TAPT1: variants seen among roughly 807,000 people sequenced by gnomAD.
TAPT1 encodes transmembrane anterior posterior transformation 1.
Under a neutral mutation model 65.6 loss-of-function variants are expected in TAPT1, and 28 were observed. The ratio of observed to expected loss-of-function variants is 0.43; its 90% CI spans 0.32 to 0.59. The LOEUF is 0.59. TAPT1 is among the 20% of genes least tolerant of loss of function. The pLI is 0.09. For synonymous variants in TAPT1, 278 were observed against 245.2 expected (o/e 1.13, Z -1.25); for missense variants, 563 against 679.9 (o/e 0.83, Z 1.91).
chr4:16,180,792 A>C (rs1157705122), intron 7 of TAPT1, among the ~76,000 whole-genome samples: 1 of 152,102 alleles, frequency 6.6e-6, no homozygotes, highest in Admixed American at 6.5e-5. Flanking sequence ...CTTCTTTTTC[A>C]GGGTAGCTCA....
intron 3 of TAPT1, among the ~76,000 whole-genome samples, chr4:16,191,794 G>A (rs910042780): frequency 6.6e-6 from 1 of 152,228 alleles, no homozygotes; most frequent in Non-Finnish European, 1.5e-5. Flanking sequence ...GGTATCTACT[G>A]ATAGGGTGCT....
intron 3 of TAPT1, among the ~76,000 whole-genome samples, chr4:16,195,415 C>G (rs1749646645): frequency 6.6e-6 from 1 of 152,190 alleles, no homozygotes; most frequent in Non-Finnish European, 1.5e-5. Flanking sequence ...AAAGCATAAA[C>G]AAGTGAAACA....
chr4:16,204,830 C>T (rs1750249227), intron 2 of TAPT1, among the ~76,000 whole-genome samples: 1 of 152,256 alleles, frequency 6.6e-6, no homozygotes, highest in Non-Finnish European at 1.5e-5. Context: ...GACACTTTCA[C>T]TCATCCTTCT....
intron 2 of TAPT1, among the ~76,000 whole-genome samples, chr4:16,202,928 T>A (rs1211957871): frequency 6.6e-6 from 1 of 152,224 alleles, no homozygotes; most frequent in South Asian, 2.1e-4. Context: ...GAATGCTTCA[T>A]TGATGGGAAA....
At chr4:16,169,277 T>C (rs558970196) in intron 12 of TAPT1, among the ~76,000 whole-genome samples, 2 of 152,336 alleles carry the variant, frequency 1.3e-5, no homozygotes, top group Non-Finnish European at 2.9e-5. Context: ...GGATGAACTA[T>C]GCACAGGCAA....
intron 1 of TAPT1, among the ~76,000 whole-genome samples, chr4:16,215,539 GGGGAGTCAGT>G (rs1465692113): frequency 1.3e-5 from 2 of 152,084 alleles, no homozygotes; most frequent in East Asian, 3.9e-4. Flanking sequence ...TAATCTGTCT[GGGGAGTCAGT>G]GTTACCATGA....
chr4:16,186,743 G>A (rs902831483), intron 6 of TAPT1, 38 bp downstream of exon 6: 6 of 1,494,876 alleles, frequency 4.0e-6, no homozygotes, highest in Non-Finnish European at 5.6e-6. Flanking sequence ...TGAAATGCCT[G>A]TATAACTTCA....
intron 4 of TAPT1, among the ~76,000 whole-genome samples, chr4:16,189,312 A>G (rs564687478): frequency 3.4e-4 from 52 of 152,270 alleles, no homozygotes; most frequent in African/African-American, 1.2e-3. Flanking sequence ...ATCATAAGAT[A>G]TATCATTTCC....
At chr4:16,189,890 G>A (rs962858068) in intron 4 of TAPT1, among the ~76,000 whole-genome samples, 3 of 152,182 alleles carry the variant, frequency 2.0e-5, no homozygotes, top group East Asian at 3.8e-4. Flanking sequence ...GAAAGCCTAC[G>A]AAGGAGAGAC....
intron 2 of TAPT1, among the ~76,000 whole-genome samples, chr4:16,206,808 G>T (rs1750373971): frequency 6.6e-6 from 1 of 152,178 alleles, no homozygotes; most frequent in South Asian, 2.1e-4. Flanking sequence ...ATGGCCCCAT[G>T]GTGCCAAGTT....
At chr4:16,226,530 G>T (rs1278803962), upstream of TAPT1, 14 of 911,722 alleles carry the variant, frequency 1.5e-5, no homozygotes, top group Admixed American at 7.7e-4. Flanking sequence ...TCCCCGCCTC[G>T]CCCCGCCCCT....
chr4:16,218,701 T>C (rs1456271090), intron 1 of TAPT1, among the ~76,000 whole-genome samples: 1 of 152,250 alleles, frequency 6.6e-6, no homozygotes, highest in East Asian at 1.9e-4. Context: ...ACAGTATTTG[T>C]ATGAAAGTAT....
At chr4:16,181,502 C>T (rs985434543) in intron 7 of TAPT1, among the ~76,000 whole-genome samples, 1 of 152,074 alleles carries the variant, frequency 6.6e-6, no homozygotes, top group Non-Finnish European at 1.5e-5. Context: ...AGAAAATCTG[C>T]AATAATTTCA....
chr4:16,161,986 A>G lies in TAPT1; in HGVS notation c.*1322T>C, dbSNP rs1382443094. 9 of 152,218 alleles carry G rather than the reference A, an allele frequency of 5.9e-5. No homozygotes were observed. The highest frequency in any genetic ancestry group is 5.9e-5 in the Non-Finnish European group (4 of 68,032). The allele number at this position is 152,218 out of a possible 1,614,324, so 9.4% of individuals were successfully genotyped here. A position where few individuals can be genotyped will look rare whatever the true frequency, so the allele number is the denominator to read the frequency against. On this transcript the variant is annotated 3_prime_UTR_variant, in exon 14 of 14. Coordinates refer to ENST00000405303, the MANE Select transcript of TAPT1 (RefSeq NM_153365.3). ...GTTGTAGAAGTTTTACAGAAATGCA[A>G]ACACGGTTGTCAAGATAAAATGGGG...
At chr4:16,200,513 A>C (rs559962308) in intron 3 of TAPT1, among the ~76,000 whole-genome samples, 1 of 152,108 alleles carries the variant, frequency 6.6e-6, no homozygotes, top group African/African-American at 2.4e-5. Flanking sequence ...TTTTGTAGAG[A>C]CAAGTTCTTA....
chr4:16,205,619 G>A (rs1248493866), intron 2 of TAPT1, among the ~76,000 whole-genome samples: 2 of 152,066 alleles, frequency 1.3e-5, no homozygotes, highest in Non-Finnish European at 2.9e-5. Flanking sequence ...GGTGAGAGTG[G>A]CATGCACACC....
chr4:16,216,836 AC>A (rs1476830147), intron 1 of TAPT1, among the ~76,000 whole-genome samples: 2 of 152,128 alleles, frequency 1.3e-5, no homozygotes, highest in Non-Finnish European at 2.9e-5. Flanking sequence ...TCAGCAGCTC[AC>A]ACAGATCAGA....
At position 16,174,864 on chromosome 4, in the gene TAPT1, T is replaced by C. The variant is rs958783659; in HGVS notation, c.1108-135A>G. The C allele has an allele frequency of 5.2e-6, 3 of 573,476 alleles. No individual in the cohort carries two copies. In the Admixed American group the frequency reaches 1.1e-4, roughly 22 times the overall value. 35.5% of individuals were successfully genotyped at this position (573,476 alleles called of 1,614,324 possible). ...TAATAACCAAGCTGACATCTGGGCA[T>C]AATTTCTTATTTGTTTTCCTACAGT... On this transcript the variant is annotated intron_variant, in intron 9 of 13. Transcript: ENST00000405303.
In TAPT1 at chr4:16,186,451, C is replaced by T. The variant is rs1237330378; in HGVS notation, c.916+84G>A. The T allele has an allele frequency of 1.7e-5, 14 of 842,082 alleles. No homozygotes were observed. In the East Asian group the frequency reaches 3.8e-4, roughly 23 times the overall value. The allele number at this position is 842,082 out of a possible 1,614,324, so 52.2% of individuals were successfully genotyped here. On this transcript the variant is annotated intron_variant, in intron 7 of 13. Coordinates refer to ENST00000405303, the MANE Select transcript of TAPT1 (RefSeq NM_153365.3). ...GTACAGTTTAAGCTGAAGAGTGGCC[C>T]AGAGAAAATGTGCCATTAGGATTTC...
Sources: allele counts gnomAD v4.1 joint callset (sites outside exome capture counted in the v4.1 genomes callset), GRCh38; gene constraint gnomAD v4.1.1; transcripts MANE v1.5; gene names NCBI Gene and HGNC (gene_info 2026-07-23, HGNC 2026-07-21).